Variants in DDHD1 observed in about 807,000 individuals in gnomAD.
DDHD1 encodes DDHD domain containing 1.
In DDHD1, 49 loss-of-function variants were observed where a neutral mutation model predicts 96.4. The ratio of observed to expected loss-of-function variants is 0.51; its 90% CI spans 0.40 to 0.64. The LOEUF is 0.64. Among genes scored for constraint, DDHD1 ranks in the 30% least tolerant of loss-of-function variants. The probability of loss-of-function intolerance (pLI) is 0.00; values close to 1 mark genes in which losing one functional copy is unlikely to be tolerated. For missense variants in DDHD1, 1,106 were observed against 1,161.2 expected (o/e 0.95, Z 0.69); for synonymous variants, 442 against 446.5 (o/e 0.99, Z 0.13).
chr14:53,069,166 A>AT (rs1884304952), intron 6 of DDHD1, among the ~76,000 whole-genome samples: 1 of 152,150 alleles, frequency 6.6e-6, no homozygotes, highest in Admixed American at 6.5e-5. Flanking sequence ...ACCTTCTGTC[A>AT]TAACAAGTTG....
Position 53,041,770 on chromosome 14 carries a change from TGA to T in DDHD1, c.*4996_*4997del, listed in dbSNP as rs1424156238. On this transcript the variant is annotated 3_prime_UTR_variant, in exon 13 of 13. Transcript: ENST00000673822. Reference sequence around the variant, plus strand: ...GTCCAGACCTGATAGGGTACTCTTATGAGAGTCTGGAAGAAAGAAGGGACCAA... The same window carrying T: ...GTCCAGACCTGATAGGGTACTCTTATGAGTCTGGAAGAAAGAAGGGACCAA... 6.6e-6 allele frequency: 1 copy of T among 152,124 alleles called. No homozygotes were observed. Among genetic ancestry groups the T allele is most frequent in the African/African-American group, 2.4e-5 (1 of 41,416 alleles). The allele number at this position is 152,124 out of a possible 1,614,324, so 9.4% of individuals were successfully genotyped here.
At chr14:53,047,026 A>T in intron 12 of DDHD1, 77 bp from the exon 13 acceptor site, 1 of 1,198,036 alleles carries the variant, frequency 8.3e-7, no homozygotes. Flanking sequence ...TGGAGTTGAG[A>T]GTAAAAATTT....
At chr14:53,067,881 TTC>T (rs1884175791) in intron 6 of DDHD1, among the ~76,000 whole-genome samples, 1 of 152,256 alleles carries the variant, frequency 6.6e-6, no homozygotes, top group South Asian at 2.1e-4. Context: ...ATTTGCTTTA[TTC>T]ACTTGTTCTG....
In DDHD1 at chr14:53,152,299, T is replaced by A; in HGVS notation, c.800A>T (p.Asp267Val). ...VCVRGGLYEV[D>V]VTQGECYPVY... Reference sequence around the variant, plus strand: ...CGGGTAGCACTCTCCTTGGGTCACATCCACCTCGTAGAGGCCGCCCCGCAC... The same window carrying A: ...CGGGTAGCACTCTCCTTGGGTCACAACCACCTCGTAGAGGCCGCCCCGCAC... Residue 267 changes from aspartate to valine, a missense_variant, in exon 1 of 13, where the codon GAT (aspartate) becomes GTT (valine). Around this residue, in one of 2 missense-constraint regions of DDHD1, gnomAD observed 456 missense variants for 402.4 expected, o/e 1.13. Transcript: ENST00000673822. The A allele has an allele frequency of 1.2e-6, 2 of 1,613,504 alleles. No homozygotes were observed. The highest frequency in any genetic ancestry group is 1.1e-5 in the South Asian group (1 of 90,992).
chr14:53,056,871 G>A (rs989838050), intron 9 of DDHD1, among the ~76,000 whole-genome samples: 1 of 152,094 alleles, frequency 6.6e-6, no homozygotes, highest in Non-Finnish European at 1.5e-5. Flanking sequence ...TTATACAAAG[G>A]ACAGGGCTCA....
intron 1 of DDHD1, among the ~76,000 whole-genome samples, chr14:53,138,906 A>C (rs531370325): frequency 1.3e-5 from 2 of 152,210 alleles, no homozygotes; most frequent in African/African-American, 4.8e-5. Context: ...TTCATAGTGC[A>C]GGGTTGGGAG....
intron 1 of DDHD1, among the ~76,000 whole-genome samples, 163 bp downstream of exon 1, chr14:53,152,098 C>G (rs1487429946): frequency 6.6e-6 from 1 of 152,190 alleles, no homozygotes; most frequent in East Asian, 1.9e-4. Context: ...GCTCGTTTAC[C>G]CTTCAGCTGC....
Position 53,152,423 on chromosome 14 carries a change from C to T in DDHD1, c.676G>A (p.Gly226Arg), listed in dbSNP as rs1566614678. The change falls in exon 1 of 13, where the codon GGA (glycine) becomes AGA (arginine). Residue 226 changes from glycine to arginine, a missense_variant. Around this residue, in one of 2 missense-constraint regions of DDHD1, gnomAD observed 456 missense variants for 402.4 expected, o/e 1.13. Coordinates refer to ENST00000673822, the MANE Select transcript of DDHD1 (RefSeq NM_001160148.2). ...GCGCGGTCCTCATCGTCATCTTCTC[C>T]GGAACTGGAGGCTGGGCCCGTGGGG... ...CSPTGPASSS[G>R]EDDDEDRACG... 1 of 1,613,692 alleles carries T rather than the reference C, an allele frequency of 6.2e-7. No homozygotes were observed. Among genetic ancestry groups the T allele is most frequent in the African/African-American group, 1.3e-5 (1 of 74,932 alleles).
At chr14:53,083,267 T>C (rs1885651349) in intron 4 of DDHD1, among the ~76,000 whole-genome samples, 1 of 152,196 alleles carries the variant, frequency 6.6e-6, no homozygotes, top group Non-Finnish European at 1.5e-5. Flanking sequence ...GTGTTCAACA[T>C]ACTGTGTTTA....
chr14:53,140,183 C>A (rs1025618859), intron 1 of DDHD1, among the ~76,000 whole-genome samples: 31 of 152,070 alleles, frequency 2.0e-4, no homozygotes, highest in Non-Finnish European at 3.2e-4. Context: ...AATAGAGCAT[C>A]CATGAGCTGG....
At chr14:53,056,012 C>A in intron 9 of DDHD1, 100 bp from the exon 10 acceptor site, 2 of 975,952 alleles carry the variant, frequency 2.0e-6, no homozygotes, top group Non-Finnish European at 3.0e-6. Flanking sequence ...AGTAAACCTC[C>A]GAGAAGGAAT....
intron 1 of DDHD1, among the ~76,000 whole-genome samples, chr14:53,139,270 T>C (rs948389376): frequency 6.6e-6 from 1 of 151,940 alleles, no homozygotes; most frequent in Non-Finnish European, 1.5e-5. Flanking sequence ...ACAGAGAATG[T>C]CCCTTCCCCA....
At chr14:53,082,882 T>C (rs1174045973) in intron 4 of DDHD1, among the ~76,000 whole-genome samples, 1 of 149,772 alleles carries the variant, frequency 6.7e-6, no homozygotes, top group East Asian at 1.9e-4. Context: ...CAATCCAAAA[T>C]ACATTTTTTA....
intron 1 of DDHD1, among the ~76,000 whole-genome samples, chr14:53,142,763 C>T (rs866459862): frequency 3.3e-5 from 5 of 152,218 alleles, no homozygotes; most frequent in African/African-American, 9.6e-5. Context: ...CAGGAGAACT[C>T]AAGACAGCAC....
intron 4 of DDHD1, among the ~76,000 whole-genome samples, chr14:53,086,924 A>G (rs1051515704): frequency 1.3e-5 from 2 of 150,268 alleles, no homozygotes; most frequent in Non-Finnish European, 3.0e-5. Context: ...ACACACACAC[A>G]GGCCCAAAAT....
intron 1 of DDHD1, among the ~76,000 whole-genome samples, chr14:53,105,397 A>ATT (rs1274127141): frequency 1.3e-5 from 2 of 151,996 alleles, no homozygotes; most frequent in Admixed American, 1.3e-4. Flanking sequence ...AAAATTTTCT[A>ATT]TTATGTGTTT....
intron 2 of DDHD1, among the ~76,000 whole-genome samples, chr14:53,095,016 T>A (rs1243613661): frequency 1.3e-5 from 2 of 152,200 alleles, no homozygotes; most frequent in African/African-American, 4.8e-5. Context: ...CCAAACAGAA[T>A]GTCCTATCAC....
chr14:53,139,088 AAACCACACCCACACC>A (rs1890448527), intron 1 of DDHD1, among the ~76,000 whole-genome samples: 1 of 87,346 alleles, frequency 1.1e-5, no homozygotes, highest in African/African-American at 2.9e-5. Context: ...AAAAAAAAAA[AAACCACACCCACACC>A]CACACCCACA....
At chr14:53,076,364 G>C in intron 4 of DDHD1, among the ~76,000 whole-genome samples, 1 of 152,180 alleles carries the variant, frequency 6.6e-6, no homozygotes, top group Non-Finnish European at 1.5e-5. Context: ...GAAATAGCAA[G>C]AGAACTAAAA....
Sources: gnomAD v4.1 joint callset for allele counts (sites outside exome capture counted in the v4.1 genomes callset) on GRCh38, gnomAD v4.1.1 for gene constraint, gnomAD v4.1.1 regional missense constraint, MANE v1.5 for transcripts, NCBI Gene and HGNC (gene_info 2026-07-23, HGNC 2026-07-21) for gene names.